RABGAP1L: variants seen among roughly 807,000 people sequenced by gnomAD.
The protein encoded by RABGAP1L is RAB GTPase activating protein 1 like, also known as rab GTPase-activating protein 1-like.
RABGAP1L carries 63 observed loss-of-function variants against 137.7 expected under a neutral mutation model. The ratio of observed to expected loss-of-function variants is 0.46; its 90% CI spans 0.37 to 0.56. The LOEUF is 0.56. Among genes scored for constraint, RABGAP1L ranks in the 20% least tolerant of loss-of-function variants. The pLI, the probability that RABGAP1L is intolerant of heterozygous loss-of-function variation, is 0.00. For missense variants in RABGAP1L, 1,095 were observed against 1,244.0 expected, an observed-to-expected ratio of 0.88 and a Z score of 1.80; for synonymous variants, 431 against 433.7, an observed-to-expected ratio of 0.99 and a Z score of 0.08.
intron 19 of RABGAP1L, among the ~76,000 whole-genome samples, chr1:174,838,700 C>T (rs1008162810): frequency 2.0e-5 from 3 of 151,662 alleles, no homozygotes; most frequent in Non-Finnish European, 4.4e-5. Context: ...GAGGCCGAGG[C>T]GGGCGGATCA....
intron 18 of RABGAP1L, among the ~76,000 whole-genome samples, chr1:174,787,157 C>A (rs1221998438): frequency 1.3e-5 from 2 of 152,094 alleles, no homozygotes; most frequent in East Asian, 3.9e-4. Flanking sequence ...AATCCCAGCA[C>A]TTTGGGAGGC....
At chr1:174,233,780 G>A (rs1242232208) in intron 4 of RABGAP1L, among the ~76,000 whole-genome samples, 1 of 134,046 alleles carries the variant, frequency 7.5e-6, no homozygotes, top group Non-Finnish European at 1.5e-5. Context: ...GGTATATACC[G>A]AGTAATGGGA....
At chr1:174,258,727 A>C (rs1354792044) in intron 7 of RABGAP1L, among the ~76,000 whole-genome samples, 1 of 152,212 alleles carries the variant, frequency 6.6e-6, no homozygotes, top group East Asian at 1.9e-4. Context: ...ATCATTAAAA[A>C]ATTTTTAAAA....
At chr1:174,384,283 A>T (rs1686535858) in intron 12 of RABGAP1L, among the ~76,000 whole-genome samples, 1 of 152,182 alleles carries the variant, frequency 6.6e-6, no homozygotes. Context: ...TGACTACAAG[A>T]GGGTCCAGGG....
intron 20 of RABGAP1L, among the ~76,000 whole-genome samples, chr1:174,962,798 T>C (rs1341684305): frequency 6.6e-6 from 1 of 152,210 alleles, no homozygotes; most frequent in African/African-American, 2.4e-5. Flanking sequence ...TGAATCCATC[T>C]TTGAAAAATG....
intron 13 of RABGAP1L, among the ~76,000 whole-genome samples, chr1:174,587,148 T>C (rs1343410999): frequency 6.6e-6 from 1 of 151,416 alleles, no homozygotes; most frequent in Non-Finnish European, 1.5e-5. Context: ...CAGTCTATCA[T>C]TGTTGGACAT....
intron 19 of RABGAP1L, among the ~76,000 whole-genome samples, chr1:174,814,719 G>T (rs1690211301): frequency 6.6e-6 from 1 of 150,900 alleles, no homozygotes; most frequent in Admixed American, 6.6e-5. Flanking sequence ...TTTTGAAATG[G>T]AGTCTCATTC....
At chr1:174,192,091 A>C (rs1389063856) in intron 1 of RABGAP1L, among the ~76,000 whole-genome samples, 1 of 152,216 alleles carries the variant, frequency 6.6e-6, no homozygotes, top group Non-Finnish European at 1.5e-5. Flanking sequence ...GTATGTTCAA[A>C]AATAGACTTT....
intron 19 of RABGAP1L, among the ~76,000 whole-genome samples, chr1:174,847,692 G>A (rs985963430): frequency 6.8e-5 from 9 of 131,444 alleles, no homozygotes; most frequent in African/African-American, 2.6e-4. Flanking sequence ...TGGTGAATCT[G>A]ACAATTATGT....
intron 20 of RABGAP1L, among the ~76,000 whole-genome samples, chr1:174,963,298 C>T (rs1669329824): frequency 6.6e-6 from 1 of 152,118 alleles, no homozygotes; most frequent in East Asian, 1.9e-4. Flanking sequence ...TCCACTTTCT[C>T]TTTGAGCTTG....
intron 1 of RABGAP1L, 89 bp from the exon 2 acceptor site, chr1:174,219,036 C>A: frequency 9.6e-7 from 1 of 1,041,564 alleles, no homozygotes; most frequent in Admixed American, 3.0e-5. Context: ...TCACATAAAC[C>A]ATTTTTAAAG....
intron 14 of RABGAP1L, among the ~76,000 whole-genome samples, chr1:174,638,632 A>T: frequency 6.9e-6 from 1 of 145,582 alleles, no homozygotes. Flanking sequence ...ACTTGGAACC[A>T]ACCCAAATGT....
At chr1:174,718,136 C>CT (rs1264347848) in intron 17 of RABGAP1L, among the ~76,000 whole-genome samples, 3 of 152,156 alleles carry the variant, frequency 2.0e-5, no homozygotes, top group African/African-American at 7.2e-5. Flanking sequence ...TTTCATTCTT[C>CT]TGTTGTCTTC....
chr1:174,600,512 G>C (rs1670328129), intron 13 of RABGAP1L, among the ~76,000 whole-genome samples: 1 of 152,166 alleles, frequency 6.6e-6, no homozygotes, highest in South Asian at 2.1e-4. Flanking sequence ...TAGATACAAT[G>C]GGGTACAGGT....
intron 17 of RABGAP1L, among the ~76,000 whole-genome samples, chr1:174,706,530 C>T (rs1680060559): frequency 6.6e-6 from 1 of 151,976 alleles, no homozygotes; most frequent in Admixed American, 6.6e-5. Context: ...ATGCTATTAA[C>T]CTATCGATAA....
At chr1:174,832,898 C>T (rs937876078) in intron 19 of RABGAP1L, among the ~76,000 whole-genome samples, 2 of 152,156 alleles carry the variant, frequency 1.3e-5, no homozygotes, top group Admixed American at 1.3e-4. Context: ...GTCCTGCTTC[C>T]TTGTATGCCT....
At chr1:174,979,268 A>G (rs906190461) in intron 23 of RABGAP1L, among the ~76,000 whole-genome samples, 1 of 152,218 alleles carries the variant, frequency 6.6e-6, no homozygotes, top group Non-Finnish European at 1.5e-5. Flanking sequence ...AAGTTTCCAG[A>G]ATAGTTTTCC....
intron 14 of RABGAP1L, among the ~76,000 whole-genome samples, chr1:174,642,734 C>A (rs1232038498): frequency 2.3e-5 from 3 of 132,066 alleles, no homozygotes; most frequent in Admixed American, 7.5e-5. Context: ...CTCTCCTCTC[C>A]CCCTCTCCCC....
At chr1:174,821,945 A>C (rs1691066407) in intron 19 of RABGAP1L, among the ~76,000 whole-genome samples, 1 of 152,216 alleles carries the variant, frequency 6.6e-6, no homozygotes, top group African/African-American at 2.4e-5. Flanking sequence ...ATCATGTTAT[A>C]GGATACAGAT....
Sources: allele counts gnomAD v4.1 joint callset (sites outside exome capture counted in the v4.1 genomes callset), GRCh38; gene constraint gnomAD v4.1.1; transcripts MANE v1.5; gene names NCBI Gene and HGNC (gene_info 2026-07-23, HGNC 2026-07-21).